Variants in SWT1 observed in about 807,000 individuals in gnomAD.
SWT1 encodes SWT1 RNA endoribonuclease homolog.
SWT1 carries 33 observed loss-of-function variants against 107.3 expected under a neutral mutation model. The observed-to-expected ratio is 0.31, with a 90% CI of 0.23 to 0.41. The LOEUF (loss-of-function observed/expected upper bound fraction) is 0.41. SWT1 is among the 10% of genes least tolerant of loss of function. The pLI is 1.00. For synonymous variants in SWT1, 345 were observed against 348.3 expected (o/e 0.99, Z 0.11); for missense variants, 898 against 1,028.9 (o/e 0.87, Z 1.74).
intron 16 of SWT1, among the ~76,000 whole-genome samples, chr1:185,256,484 T>G (rs1571633932): frequency 6.6e-6 from 1 of 151,540 alleles, no homozygotes; most frequent in East Asian, 1.9e-4. Flanking sequence ...TCATTTCTTT[T>G]TATTCTTTTT....
intron 2 of SWT1, among the ~76,000 whole-genome samples, chr1:185,164,502 T>C (rs188135374): frequency 2.4e-4 from 37 of 152,348 alleles, no homozygotes; most frequent in African/African-American, 8.9e-4. Flanking sequence ...AAATCCGTTG[T>C]TTAGTGTAGC....
chr1:185,245,472 T>G (rs1269146244), intron 16 of SWT1, among the ~76,000 whole-genome samples: 1 of 152,090 alleles, frequency 6.6e-6, no homozygotes, highest in East Asian at 1.9e-4. Flanking sequence ...TTAGTTAACT[T>G]TTTTAATAAG....
At chr1:185,176,793 G>C (rs1336269174) in intron 5 of SWT1, 1 of 571,232 alleles carries the variant, frequency 1.8e-6, no homozygotes, top group Non-Finnish European at 2.2e-6. Context: ...GACCATCCTG[G>C]CTAACACAGT....
intron 6 of SWT1, among the ~76,000 whole-genome samples, chr1:185,180,716 T>G (rs377033453): frequency 6.6e-6 from 1 of 152,204 alleles, no homozygotes. Context: ...TGAATTTTGA[T>G]TTAATATTAT....
chr1:185,170,124 A>G (rs1015579075), intron 4 of SWT1, among the ~76,000 whole-genome samples: 1 of 152,236 alleles, frequency 6.6e-6, no homozygotes, highest in African/African-American at 2.4e-5. Context: ...GAATTTGAAC[A>G]TTCAATTTTC....
intron 16 of SWT1, among the ~76,000 whole-genome samples, chr1:185,250,243 T>C (rs1158098213): frequency 6.6e-6 from 1 of 152,198 alleles, no homozygotes; most frequent in Admixed American, 6.5e-5. Context: ...TCTTCTCGCC[T>C]CAGCCTCCCT....
intron 10 of SWT1, among the ~76,000 whole-genome samples, chr1:185,201,946 ATT>A (rs149794407): frequency 6.7e-6 from 1 of 149,374 alleles, no homozygotes; most frequent in Non-Finnish European, 1.5e-5. Flanking sequence ...TAGTTAATAT[ATT>A]TTTTTTTTGG....
At chr1:185,162,305 C>A (rs908919410) in intron 2 of SWT1, among the ~76,000 whole-genome samples, 7 of 152,220 alleles carry the variant, frequency 4.6e-5, no homozygotes, top group African/African-American at 1.7e-4. Context: ...ATTTCTAAGA[C>A]CTCATCTGAC....
chr1:185,196,204 T>C (rs1309828767), intron 10 of SWT1, among the ~76,000 whole-genome samples: 1 of 152,356 alleles, frequency 6.6e-6, no homozygotes, highest in African/African-American at 2.4e-5. Flanking sequence ...TTCAGTCTTC[T>C]GCATATGGCT....
intron 17 of SWT1, among the ~76,000 whole-genome samples, chr1:185,273,617 T>C (rs189466192): frequency 6.5e-4 from 98 of 151,850 alleles, no homozygotes; most frequent in Middle Eastern, 3.4e-3. Context: ...GCAGGAGAAT[T>C]GCTTGAACCC....
At chr1:185,177,019 G>T (rs1379037466) in intron 5 of SWT1, 1 of 970,160 alleles carries the variant, frequency 1.0e-6, no homozygotes, top group Non-Finnish European at 1.2e-6. Flanking sequence ...GATTGCAATG[G>T]TAAGATATTT....
At chr1:185,195,098 A>T (rs1460770708) in intron 10 of SWT1, among the ~76,000 whole-genome samples, 1 of 152,132 alleles carries the variant, frequency 6.6e-6, no homozygotes, top group African/African-American at 2.4e-5. Flanking sequence ...TGCTGCACCC[A>T]TCAACCTGTC....
At chr1:185,274,159 A>G (rs1023317769) in intron 17 of SWT1, among the ~76,000 whole-genome samples, 7 of 151,946 alleles carry the variant, frequency 4.6e-5, no homozygotes, top group African/African-American at 1.7e-4. Context: ...CTGTTGCTTC[A>G]TGATATCTTG....
At chr1:185,177,181 C>T (rs886281606) in intron 5 of SWT1, among the ~76,000 whole-genome samples, 1 of 152,074 alleles carries the variant, frequency 6.6e-6, no homozygotes, top group African/African-American at 2.4e-5. Context: ...GAAAGAACCT[C>T]CAGTTTTTCT....
chr1:185,234,118 A>T (rs568185155), intron 16 of SWT1, among the ~76,000 whole-genome samples: 9 of 152,158 alleles, frequency 5.9e-5, no homozygotes, highest in Non-Finnish European at 1.0e-4. Flanking sequence ...AGTTCTGTAG[A>T]TGTCTGTTAG....
At chr1:185,181,370 C>G (rs1221098271) in intron 6 of SWT1, among the ~76,000 whole-genome samples, 1 of 152,170 alleles carries the variant, frequency 6.6e-6, no homozygotes, top group Non-Finnish European at 1.5e-5. Context: ...AGAAAGATGT[C>G]TCACCTCTGA....
intron 16 of SWT1, among the ~76,000 whole-genome samples, chr1:185,262,843 G>A (rs535070499): frequency 6.0e-4 from 90 of 150,462 alleles, no homozygotes; most frequent in Non-Finnish European, 9.9e-4. Flanking sequence ...CTGGAGTGCA[G>A]TGGCATGATC....
chr1:185,163,554 C>A (rs1466118829), intron 2 of SWT1, among the ~76,000 whole-genome samples: 1 of 152,028 alleles, frequency 6.6e-6, no homozygotes, highest in African/African-American at 2.4e-5. Context: ...CCACCATGCC[C>A]AGCTAATTTT....
chr1:185,194,203 A>G (rs1356750795), intron 10 of SWT1, among the ~76,000 whole-genome samples: 2 of 152,100 alleles, frequency 1.3e-5, no homozygotes, highest in African/African-American at 2.4e-5. Context: ...TTTCTTGTAG[A>G]CATCATATAG....
Sources: gnomAD v4.1 joint callset for allele counts (sites outside exome capture counted in the v4.1 genomes callset) on GRCh38, gnomAD v4.1.1 for gene constraint, MANE v1.5 for transcripts, NCBI Gene and HGNC (gene_info 2026-07-23, HGNC 2026-07-21) for gene names.